PCLO: variants seen among roughly 807,000 people sequenced by gnomAD.
PCLO encodes the protein piccolo presynaptic cytomatrix protein.
A neutral mutation model predicts 427.5 loss-of-function variants in PCLO; 82 were observed. That is an observed-to-expected ratio of 0.19 (90% CI 0.16 to 0.23). The LOEUF (loss-of-function observed/expected upper bound fraction) is 0.23. PCLO is among the 10% of genes least tolerant of loss of function. The pLI, the probability that PCLO is intolerant of heterozygous loss-of-function variation, is 1.00. For synonymous variants in PCLO, 2,357 were observed against 2,155.4 expected (o/e 1.09, Z -2.59); for missense variants, 6,239 against 6,115.9 (o/e 1.02, Z -0.67).
chr7:82,770,440 A>G (rs749088303), intron 22 of PCLO, among the ~76,000 whole-genome samples: 2 of 152,022 alleles, frequency 1.3e-5, no homozygotes, highest in African/African-American at 2.4e-5. Flanking sequence ...GAAGCACTTG[A>G]CAATTTATGC....
At chr7:83,078,539 T>C (rs1311761120) in intron 3 of PCLO, among the ~76,000 whole-genome samples, 1 of 151,752 alleles carries the variant, frequency 6.6e-6, no homozygotes, top group Non-Finnish European at 1.5e-5. Context: ...ATTACTATTA[T>C]TATTATTATT....
At chr7:82,763,335 T>C (rs1790468562) in intron 22 of PCLO, among the ~76,000 whole-genome samples, 2 of 152,070 alleles carry the variant, frequency 1.3e-5, no homozygotes, top group Admixed American at 6.6e-5. Context: ...GTGAAAAAGG[T>C]AAGTAATTTC....
chr7:83,144,575 C>G (rs1447630470), intron 2 of PCLO, among the ~76,000 whole-genome samples: 2 of 152,030 alleles, frequency 1.3e-5, no homozygotes, highest in Non-Finnish European at 2.9e-5. Flanking sequence ...ATATGTATAA[C>G]CACTTAACAG....
chr7:83,156,670 T>C (rs976495126), intron 1 of PCLO, among the ~76,000 whole-genome samples: 9 of 151,650 alleles, frequency 5.9e-5, no homozygotes, highest in Non-Finnish European at 2.9e-5. Context: ...AAAATACTTA[T>C]AATAAAAGTA....
At chr7:82,857,881 A>C (rs985504434) in intron 10 of PCLO, among the ~76,000 whole-genome samples, 1 of 152,174 alleles carries the variant, frequency 6.6e-6, no homozygotes, top group Non-Finnish European at 1.5e-5. Flanking sequence ...CACAAGAAAT[A>C]ATACAACATG....
intron 3 of PCLO, among the ~76,000 whole-genome samples, chr7:83,006,168 A>C (rs1461318358): frequency 6.6e-6 from 1 of 151,690 alleles, no homozygotes; most frequent in African/African-American, 2.4e-5. Flanking sequence ...CCACAGCTTT[A>C]AAAATAATTT....
chr7:83,104,969 T>A (rs1473444074), intron 3 of PCLO, among the ~76,000 whole-genome samples: 1 of 134,878 alleles, frequency 7.4e-6, no homozygotes. Context: ...AAATTCAAGA[T>A]CAGAGTTTTC....
At chr7:83,010,919 A>G (rs565951376) in intron 3 of PCLO, among the ~76,000 whole-genome samples, 2 of 152,114 alleles carry the variant, frequency 1.3e-5, no homozygotes, top group East Asian at 3.9e-4. Flanking sequence ...CCATATGAAT[A>G]CCTGTCATAC....
intron 3 of PCLO, among the ~76,000 whole-genome samples, chr7:83,123,637 A>C (rs1453615923): frequency 6.6e-6 from 1 of 152,196 alleles, no homozygotes; most frequent in African/African-American, 2.4e-5. Context: ...GATCATATCA[A>C]GTTAAAAAAC....
intron 7 of PCLO, among the ~76,000 whole-genome samples, chr7:82,910,245 C>T (rs1348089673): frequency 6.6e-6 from 1 of 152,048 alleles, no homozygotes; most frequent in African/African-American, 2.4e-5. Flanking sequence ...TATCTACATT[C>T]CTGACTATCA....
chr7:83,057,348 A>ATT lies in PCLO; in HGVS notation c.3300+76900_3300+76901dup, dbSNP rs1199445166. 2.4e-3 allele frequency among the ~76,000 whole-genome samples: 47 copies of ATT among 19,624 alleles called. 1 individual carries two copies. Among genetic ancestry groups the ATT allele is most frequent in the East Asian group, 6.5e-3 (3 of 460 alleles). 12.9% of individuals were successfully genotyped at this position (19,624 alleles called of 152,430 possible). Reference sequence around the variant, plus strand: ...TATATATATATATATATATATATATATTTTTTTTTTTTTTTTTTTTTTTTT... The same window carrying ATT: ...TATATATATATATATATATATATATATTTTTTTTTTTTTTTTTTTTTTTTTTT... On this transcript the variant is annotated intron_variant, in intron 3 of 24. Transcript: ENST00000333891.
intron 1 of PCLO, among the ~76,000 whole-genome samples, chr7:83,161,855 G>C (rs1418382843): frequency 6.6e-6 from 1 of 152,152 alleles, no homozygotes; most frequent in Non-Finnish European, 1.5e-5. Flanking sequence ...CTCCTCTGGG[G>C]GTGGGGTGGC....
chr7:82,784,547 A>G (rs1404868276), intron 22 of PCLO, among the ~76,000 whole-genome samples: 3 of 152,060 alleles, frequency 2.0e-5, no homozygotes, highest in African/African-American at 7.2e-5. Flanking sequence ...CTCTGCCAGA[A>G]CCTGTATTTG....
intron 22 of PCLO, among the ~76,000 whole-genome samples, chr7:82,798,891 C>G (rs914765249): frequency 1.3e-5 from 2 of 152,222 alleles, no homozygotes; most frequent in East Asian, 3.9e-4. Flanking sequence ...CAACCCCCGC[C>G]CCTCTGCTCA....
intron 3 of PCLO, among the ~76,000 whole-genome samples, chr7:83,124,554 T>C (rs988094020): frequency 2.6e-5 from 4 of 151,930 alleles, no homozygotes; most frequent in African/African-American, 4.8e-5. Context: ...CCCTCACACA[T>C]TGTTGATGGG....
chr7:82,952,877 G>C lies in PCLO; in HGVS notation c.8076C>G (p.Ser2692Arg). The C allele has an allele frequency of 6.2e-7, 1 of 1,613,904 alleles. No homozygotes were observed. Among genetic ancestry groups the C allele is most frequent in the Non-Finnish European group, 8.5e-7 (1 of 1,179,844 alleles). Residue 2692 changes from serine to arginine, a missense_variant, in exon 5 of 25, where the codon AGC becomes AGG. By Grantham distance (110) the Ser-to-Arg change is moderately radical. Coordinates refer to ENST00000333891, the MANE Select transcript of PCLO (RefSeq NM_033026.6). ...CTGGAGGAATTGTTATGGAAATGCT[G>C]CTGAGACCAACACTAGGAGCTGTAC... The part of the protein sequence containing the change: ...TRSTAPSVGL[S>R]SISITIPPEP...
At chr7:83,115,976 AC>A in intron 3 of PCLO, among the ~76,000 whole-genome samples, 1 of 152,092 alleles carries the variant, frequency 6.6e-6, no homozygotes, top group South Asian at 2.1e-4. Flanking sequence ...ACATGCACAC[AC>A]ACACACACGC....
chr7:82,763,921 A>G (rs1790480725), intron 22 of PCLO, among the ~76,000 whole-genome samples: 1 of 152,022 alleles, frequency 6.6e-6, no homozygotes, highest in South Asian at 2.1e-4. Context: ...GCATGAAAGA[A>G]CTCAGGGAAT....
chr7:82,808,380 C>G (rs1488862280), intron 20 of PCLO, among the ~76,000 whole-genome samples: 1 of 151,830 alleles, frequency 6.6e-6, no homozygotes, highest in African/African-American at 2.4e-5. Flanking sequence ...GTTTTGTCAA[C>G]TTTGGTTTTA....
Sources: allele counts gnomAD v4.1 joint callset (sites outside exome capture counted in the v4.1 genomes callset), GRCh38; gene constraint gnomAD v4.1.1; transcripts MANE v1.5; gene names NCBI Gene and HGNC (gene_info 2026-07-23, HGNC 2026-07-21).